The following THADA variants were observed in gnomAD, a reference collection of about 807,000 sequenced individuals.
The protein encoded by THADA is tRNA (32-2'-O)-methyltransferase regulator THADA.
THADA carries 213 observed loss-of-function variants against 219.8 expected under a neutral mutation model. That is an observed-to-expected ratio of 0.97 (90% CI 0.87 to 1.09). THADA has a LOEUF of 1.09. Among genes scored for constraint, THADA ranks in the 50% least tolerant of loss-of-function variants. The pLI is 0.00. For synonymous variants in THADA, 1,018 were observed against 828.9 expected (o/e 1.23, Z -3.92); for missense variants, 2,956 against 2,311.3 (o/e 1.28, Z -5.72).
intron 31 of THADA, among the ~76,000 whole-genome samples, chr2:43,316,920 T>C (rs545232617): frequency 6.6e-6 from 1 of 152,176 alleles, no homozygotes; most frequent in Non-Finnish European, 1.5e-5. Flanking sequence ...AGAGTGAAAC[T>C]CCATGTCAAC....
At position 43,412,362 on chromosome 2, in the gene THADA, G is replaced by T. The variant is rs1371616951; in HGVS notation, c.4059-14223C>A. 3.3e-5 allele frequency among the ~76,000 whole-genome samples: 5 copies of T among 152,130 alleles called. No individual in the cohort carries two copies. In the East Asian group the frequency reaches 9.6e-4, roughly 29 times the overall value. On this transcript the variant is annotated intron_variant, in intron 28 of 37. Coordinates refer to ENST00000405975, the MANE Select transcript of THADA (RefSeq NM_022065.5). ...AGATTAAAAATAAAGTGCTATGTGT[G>T]AAATTCAATACTGTTTAACTTTTGG...
chr2:43,343,429 T>C (rs952280097), intron 30 of THADA: 1 of 152,168 alleles, frequency 6.6e-6, no homozygotes, highest in Non-Finnish European at 1.5e-5. Flanking sequence ...TGGTGGAACT[T>C]ACAGAGGACC....
intron 28 of THADA, among the ~76,000 whole-genome samples, chr2:43,419,783 G>C (rs1206186637): frequency 6.6e-6 from 1 of 151,632 alleles, no homozygotes. Flanking sequence ...GAAAAACACT[G>C]TTAAGATACT....
intron 24 of THADA, among the ~76,000 whole-genome samples, chr2:43,502,743 C>T (rs947749940): frequency 4.6e-5 from 7 of 151,694 alleles, no homozygotes; most frequent in Non-Finnish European, 7.4e-5. Context: ...AAAATATCTA[C>T]ATAATAATAG....
rs1369802610 is a variant in THADA at position 43,415,865 on chromosome 2, AC to A, written c.4058+12234del. 2.6e-5 allele frequency among the ~76,000 whole-genome samples: 4 copies of A among 151,700 alleles called. No individual in the cohort carries two copies. The East Asian group carries it at 7.7e-4, about 29-fold the overall frequency. ...TGCTACTTTAGAGACATGTTCAACC[AC>A]GCAGCAGAATGCAAATCTCTCTCTA... On this transcript the variant is annotated intron_variant, in intron 28 of 37. Coordinates refer to ENST00000405975, the MANE Select transcript of THADA (RefSeq NM_022065.5).
At chr2:43,521,027 A>AGGAATGAAG (rs1278080840) in intron 22 of THADA, among the ~76,000 whole-genome samples, 1 of 119,934 alleles carries the variant, frequency 8.3e-6, no homozygotes, top group Non-Finnish European at 1.7e-5. Flanking sequence ...AAGGGAGGGA[A>AGGAATGAAG]GGAATGAAGG....
intron 28 of THADA, 84 bp downstream of exon 28, chr2:43,428,016 T>G: frequency 3.9e-6 from 3 of 777,326 alleles, no homozygotes; most frequent in Non-Finnish European, 5.2e-6. Flanking sequence ...ATATATAAAA[T>G]AGTTTCTGAA....
chr2:43,319,519 G>A (rs13414908), intron 31 of THADA, among the ~76,000 whole-genome samples: 1 of 151,832 alleles, frequency 6.6e-6, no homozygotes, highest in Non-Finnish European at 1.5e-5. Context: ...CCACCTCCCC[G>A]ACCTCCCTCC....
chr2:43,311,617 A>G (rs1399919759), intron 31 of THADA, among the ~76,000 whole-genome samples: 1 of 152,240 alleles, frequency 6.6e-6, no homozygotes, highest in African/African-American at 2.4e-5. Flanking sequence ...AACAACCCAA[A>G]TGTCCATCAA....
At position 43,286,976 on chromosome 2, in the gene THADA, C is replaced by T; in HGVS notation, c.5096G>A (p.Arg1699Lys). The T allele has an allele frequency of 6.2e-7, 1 of 1,613,950 alleles. No homozygotes were observed. Among genetic ancestry groups the T allele is most frequent in the South Asian group, 1.1e-5 (1 of 91,074 alleles). Residue 1699 changes from arginine to lysine, a missense_variant, in exon 35 of 38, where the codon AGG becomes AAG. Arg to Lys is a conservative substitution (Grantham distance 26). Transcript: ENST00000405975. ...GGTGAGGACTTCAACGACGGCCAGC[C>T]TAGACTCTGTAGGAAGATGGTCTTC... ...SCEDHLPTESRLAVVEVLTST... is the reference protein window; with the variant it reads ...SCEDHLPTESKLAVVEVLTST...
At chr2:43,272,784 T>C (rs984463516) in intron 36 of THADA, among the ~76,000 whole-genome samples, 2 of 151,798 alleles carry the variant, frequency 1.3e-5, no homozygotes, top group African/African-American at 4.8e-5. Context: ...ACCACTACAC[T>C]TGGCTAATTT....
chr2:43,277,416 T>A (rs1159086484), intron 36 of THADA: 2 of 152,922 alleles, frequency 1.3e-5, no homozygotes, highest in Non-Finnish European at 2.9e-5. Flanking sequence ...AACTTCTCTT[T>A]CTGCATTGAC....
chr2:43,529,104 C>T (rs1168421136), intron 21 of THADA, among the ~76,000 whole-genome samples: 2 of 151,956 alleles, frequency 1.3e-5, no homozygotes, highest in African/African-American at 2.4e-5. Flanking sequence ...GGCTTTCCTA[C>T]ATGCTGTCTT....
chr2:43,416,434 T>C (rs2104775335), intron 28 of THADA, among the ~76,000 whole-genome samples: 1 of 152,332 alleles, frequency 6.6e-6, no homozygotes, highest in East Asian at 1.9e-4. Context: ...CATACAAATA[T>C]ATATTTTGTT....
chr2:43,557,989 A>G (rs1236650425), intron 16 of THADA, among the ~76,000 whole-genome samples: 1 of 152,252 alleles, frequency 6.6e-6, no homozygotes, highest in Non-Finnish European at 1.5e-5. Flanking sequence ...AAGTTTAAAT[A>G]AGTATTAGAA....
intron 18 of THADA, 88 bp downstream of exon 18, chr2:43,552,116 T>C (rs1574222589): frequency 1.3e-6 from 2 of 1,535,266 alleles, no homozygotes; most frequent in South Asian, 1.3e-5. Flanking sequence ...ATAGACTGCA[T>C]TCCTTTCCCA....
At chr2:43,447,127 C>G (rs1047386561) in intron 26 of THADA, among the ~76,000 whole-genome samples, 14 of 152,086 alleles carry the variant, frequency 9.2e-5, no homozygotes, top group Admixed American at 9.2e-4. Context: ...CACAGGGCAG[C>G]AGGAGAGAGA....
Position 43,571,762 on chromosome 2 carries a change from T to A in THADA, c.2009A>T (p.Asn670Ile). 6.2e-7 allele frequency: 1 copy of A among 1,613,944 alleles called. No homozygotes were observed. Reference protein sequence around the residue: ...MQWIQFFITYNLNSQSPGVRQ... With the variant: ...MQWIQFFITYILNSQSPGVRQ... ...CACTCCTGGAGACTGGCTGTTAAGA[T>A]TGTATGTAATAAAGAACTGAATCCA... The change falls in exon 13 of 38, where the codon AAT (asparagine) becomes ATT (isoleucine). Residue 670 changes from asparagine to isoleucine, a missense_variant. By Grantham distance (149) the Asn-to-Ile change is moderately radical. Coordinates refer to ENST00000405975, the MANE Select transcript of THADA (RefSeq NM_022065.5).
chr2:43,506,633 T>C (rs1394768618), intron 23 of THADA, among the ~76,000 whole-genome samples: 1 of 152,182 alleles, frequency 6.6e-6, no homozygotes, highest in Non-Finnish European at 1.5e-5. Flanking sequence ...CATGGGTTGA[T>C]GTTCTAAAAC....
Sources: gnomAD v4.1 joint callset for allele counts (sites outside exome capture counted in the v4.1 genomes callset) on GRCh38, gnomAD v4.1.1 for gene constraint, MANE v1.5 for transcripts, NCBI Gene and HGNC (gene_info 2026-07-23, HGNC 2026-07-21) for gene names.